The following KHDRBS2 variants were observed in gnomAD, a reference collection of about 807,000 sequenced individuals.
KHDRBS2 encodes KH domain-containing, RNA-binding, signal transduction-associated protein 2.
KHDRBS2 carries 26 observed loss-of-function variants against 44.3 expected under a neutral mutation model. That is an observed-to-expected ratio of 0.59 (90% CI 0.43 to 0.81). KHDRBS2 has a LOEUF of 0.81. KHDRBS2 is among the 40% of genes least tolerant of loss of function. The pLI is 0.00. For missense variants in KHDRBS2, 476 were observed against 433.1 expected, an observed-to-expected ratio of 1.10 and a Z score of -0.88; for synonymous variants, 194 against 151.1, an observed-to-expected ratio of 1.28 and a Z score of -2.08.
At chr6:61,774,394 A>C (rs1715039) in intron 6 of KHDRBS2, among the ~76,000 whole-genome samples, 3,973 of 151,986 alleles carry the variant, frequency 0.026, 80 homozygotes, top group Non-Finnish European at 0.038. Flanking sequence ...TATCTAGAAA[A>C]CTGCATTGTC....
intron 2 of KHDRBS2, among the ~76,000 whole-genome samples, chr6:62,072,947 T>A (rs1795514616): frequency 6.6e-6 from 1 of 152,086 alleles, no homozygotes; most frequent in East Asian, 1.9e-4. Context: ...TCTGGTAGAA[T>A]TCAGCTGTGA....
intron 3 of KHDRBS2, among the ~76,000 whole-genome samples, chr6:62,015,449 C>A (rs1781043815): frequency 6.6e-6 from 1 of 152,116 alleles, no homozygotes; most frequent in South Asian, 2.1e-4. Context: ...TTTTCACACC[C>A]TGCCACTCTT....
intron 5 of KHDRBS2, 122 bp from the exon 6 acceptor site, chr6:61,894,955 C>T: frequency 1.6e-6 from 1 of 635,810 alleles, no homozygotes; most frequent in Non-Finnish European, 2.8e-6. Context: ...CTCTCTCTCT[C>T]TCTGTGTGTG....
At chr6:61,902,816 A>G (rs1329523595) in intron 4 of KHDRBS2, among the ~76,000 whole-genome samples, 1 of 152,188 alleles carries the variant, frequency 6.6e-6, no homozygotes, top group African/African-American at 2.4e-5. Flanking sequence ...AAGACTGTGT[A>G]GGGTCACCCA....
At chr6:62,035,537 G>A (rs1785129699) in intron 3 of KHDRBS2, among the ~76,000 whole-genome samples, 2 of 151,692 alleles carry the variant, frequency 1.3e-5, no homozygotes, top group African/African-American at 2.4e-5. Flanking sequence ...ATGGTTAATG[G>A]GTACAAAGCA....
chr6:62,190,662 T>G (rs1189792554), intron 1 of KHDRBS2, among the ~76,000 whole-genome samples: 10 of 152,132 alleles, frequency 6.6e-5, no homozygotes, highest in Admixed American at 6.6e-4. Flanking sequence ...CATTCTAAAA[T>G]TTTTAATACA....
At chr6:62,158,067 T>C (rs370613839) in intron 2 of KHDRBS2, among the ~76,000 whole-genome samples, 2 of 152,324 alleles carry the variant, frequency 1.3e-5, no homozygotes, top group East Asian at 1.9e-4. Context: ...ACAACTTTTA[T>C]TACCTGTAAT....
At chr6:62,115,021 CTATT>C (rs755405175) in intron 2 of KHDRBS2, among the ~76,000 whole-genome samples, 9 of 152,106 alleles carry the variant, frequency 5.9e-5, no homozygotes, top group Non-Finnish European at 1.3e-4. Flanking sequence ...ACTTTTGAAA[CTATT>C]TATCAGTTGT....
chr6:61,987,781 C>T (rs1204206365), intron 3 of KHDRBS2, among the ~76,000 whole-genome samples: 1 of 152,128 alleles, frequency 6.6e-6, no homozygotes, highest in Non-Finnish European at 1.5e-5. Flanking sequence ...GATAGAGAAG[C>T]AATAGCTAGA....
chr6:61,637,125 T>C, the KHDRBS2 span, among the ~76,000 whole-genome samples: 1 of 152,114 alleles, frequency 6.6e-6, no homozygotes, highest in Non-Finnish European at 1.5e-5. Context: ...GCTGGTGTGC[T>C]GTACCCACTA....
intron 4 of KHDRBS2, among the ~76,000 whole-genome samples, chr6:61,913,810 C>T (rs1192452547): frequency 6.6e-6 from 1 of 150,560 alleles, no homozygotes; most frequent in East Asian, 2.0e-4. Flanking sequence ...GGATCTGGTT[C>T]ACTAGTCTTC....
chr6:61,908,164 A>G (rs1198055777), intron 4 of KHDRBS2, among the ~76,000 whole-genome samples: 1 of 152,194 alleles, frequency 6.6e-6, no homozygotes, highest in Non-Finnish European at 1.5e-5. Context: ...TTATTTTAGT[A>G]TTGTTTTATT....
At chr6:61,543,016 T>C in the KHDRBS2 span, among the ~76,000 whole-genome samples, 2 of 151,856 alleles carry the variant, frequency 1.3e-5, no homozygotes, top group Non-Finnish European at 2.9e-5. Flanking sequence ...ACTCCTAAAA[T>C]AAACATCAGG....
intron 6 of KHDRBS2, among the ~76,000 whole-genome samples, chr6:61,845,213 A>T (rs1023521897): frequency 2.0e-5 from 3 of 152,170 alleles, no homozygotes; most frequent in African/African-American, 7.2e-5. Flanking sequence ...TTTTGAAGCC[A>T]AACATATATA....
intron 6 of KHDRBS2, among the ~76,000 whole-genome samples, chr6:61,809,558 A>G (rs973322742): frequency 3.3e-5 from 5 of 152,150 alleles, no homozygotes; most frequent in African/African-American, 1.2e-4. Flanking sequence ...CTGATGTCAA[A>G]TCAATAAAAA....
intron 4 of KHDRBS2, among the ~76,000 whole-genome samples, chr6:61,939,192 A>G (rs1391110544): frequency 6.6e-6 from 1 of 152,164 alleles, no homozygotes; most frequent in Admixed American, 6.5e-5. Context: ...CATCGATGTA[A>G]TGGACTTTGC....
Position 62,255,605 on chromosome 6 carries a change from A to AACAC in KHDRBS2, c.91+30249_91+30252dup, listed in dbSNP as rs60498757. ...TTTACCCTCATTCCTCATGCTTTAAAACACACACACACACACACACACACA... is the reference window on the plus strand; with the variant it reads ...TTTACCCTCATTCCTCATGCTTTAAAACACACACACACACACACACACACACACA... On this transcript the variant is annotated intron_variant, in intron 1 of 8. Coordinates refer to ENST00000281156, the MANE Select transcript of KHDRBS2 (RefSeq NM_152688.4). 7.7e-3 allele frequency among the ~76,000 whole-genome samples: 1,065 copies of AACAC among 137,490 alleles called. 7 individuals carry two copies. The highest frequency in any genetic ancestry group is 0.014 in the Admixed American group (184 of 13,382). 90.2% of individuals were successfully genotyped at this position (137,490 alleles called of 152,430 possible). A position where few individuals can be genotyped will look rare whatever the true frequency, so the allele number is the denominator to read the frequency against.
chr6:62,176,160 C>T (rs1179852554), intron 2 of KHDRBS2, among the ~76,000 whole-genome samples: 1 of 151,152 alleles, frequency 6.6e-6, no homozygotes, highest in Non-Finnish European at 1.5e-5. Context: ...CTAAGACTGC[C>T]CAATTTAATA....
At chr6:61,610,047 G>C in the KHDRBS2 span, among the ~76,000 whole-genome samples, 1 of 152,052 alleles carries the variant, frequency 6.6e-6, no homozygotes, top group Non-Finnish European at 1.5e-5. Context: ...GTGGTGGTTG[G>C]TGCCTGTAGT....
Sources: gnomAD v4.1 joint callset for allele counts (sites outside exome capture counted in the v4.1 genomes callset) on GRCh38, gnomAD v4.1.1 for gene constraint, MANE v1.5 for transcripts, NCBI Gene and HGNC (gene_info 2026-07-23, HGNC 2026-07-21) for gene names.